The following SULF2 variants were observed in gnomAD, a reference collection of about 807,000 sequenced individuals.
SULF2 encodes the protein sulfatase 2.
A neutral mutation model predicts 107.7 loss-of-function variants in SULF2; 52 were observed. The ratio of observed to expected loss-of-function variants is 0.48; its 90% CI spans 0.39 to 0.61. SULF2 has a LOEUF of 0.61. Ranked by LOEUF, SULF2 falls within the 20% of genes least tolerant of loss-of-function variation. SULF2 has a pLI of 0.00. For missense variants in SULF2, 993 were observed against 1,177.3 expected (o/e 0.84, Z 2.29); for synonymous variants, 460 against 464.3 (o/e 0.99, Z 0.12).
chr20:47,697,210 C>A (rs975445205), intron 4 of SULF2, among the ~76,000 whole-genome samples: 1 of 152,230 alleles, frequency 6.6e-6, no homozygotes, highest in Non-Finnish European at 1.5e-5. Flanking sequence ...CCCTCTCCAA[C>A]CCTCTTCTGC....
chr20:47,762,182 A>G (rs2090432298), intron 1 of SULF2, among the ~76,000 whole-genome samples: 1 of 152,356 alleles, frequency 6.6e-6, no homozygotes, highest in East Asian at 1.9e-4. Context: ...ATGTCCCTCC[A>G]TCGGGAAACA....
At chr20:47,692,346 A>G (rs564786568) in intron 4 of SULF2, among the ~76,000 whole-genome samples, 2 of 152,326 alleles carry the variant, frequency 1.3e-5, no homozygotes, top group Admixed American at 1.3e-4. Context: ...AATATTGTTT[A>G]TAAAACAAAA....
chr20:47,675,700 T>C (rs2087617262), intron 10 of SULF2, among the ~76,000 whole-genome samples: 1 of 152,028 alleles, frequency 6.6e-6, no homozygotes, highest in African/African-American at 2.4e-5. Flanking sequence ...CCGGCACCCC[T>C]TGGGCCAGCC....
chr20:47,704,026 G>T (rs1385761553), intron 3 of SULF2, among the ~76,000 whole-genome samples: 1 of 152,194 alleles, frequency 6.6e-6, no homozygotes, highest in Non-Finnish European at 1.5e-5. Context: ...GTGGCTGGGA[G>T]CAGCAAGGGG....
At chr20:47,763,403 TCCAGA>T (rs2090457843) in intron 1 of SULF2, among the ~76,000 whole-genome samples, 1 of 152,192 alleles carries the variant, frequency 6.6e-6, no homozygotes, top group Admixed American at 6.5e-5. Flanking sequence ...TGGGACCTCA[TCCAGA>T]CCTGTTTAGA....
At chr20:47,751,532 A>C (rs1438666569) in intron 2 of SULF2, among the ~76,000 whole-genome samples, 2 of 152,144 alleles carry the variant, frequency 1.3e-5, no homozygotes, top group Admixed American at 1.3e-4. Flanking sequence ...TATGGTGTTC[A>C]TGTGGGTCTA....
rs1458324121 is a variant in SULF2, at chr20:47,663,224, G to A, written c.2228-12C>T. 6.2e-6 allele frequency: 10 copies of A among 1,613,942 alleles called. No individual in the cohort carries two copies. Among genetic ancestry groups the A allele is most frequent in the Non-Finnish European group, 8.5e-6 (10 of 1,179,972 alleles). On this transcript the variant is annotated splice_polypyrimidine_tract_variant and intron_variant, in intron 16 of 20. Transcript: ENST00000688720. ...ACAGAAAGGCCCCACTGCCAAGGAA[G>A]AGAGAGCATGTCCTGAGTGCCTGCG...
At chr20:47,683,673 C>T (rs1244432557) in intron 6 of SULF2, among the ~76,000 whole-genome samples, 3 of 152,242 alleles carry the variant, frequency 2.0e-5, no homozygotes, top group Admixed American at 6.5e-5. Flanking sequence ...TCCAGCCACA[C>T]GAACCTACTG....
At chr20:47,706,830 A>C (rs2088756775) in intron 3 of SULF2, 1 of 152,172 alleles carries the variant, frequency 6.6e-6, no homozygotes, top group Non-Finnish European at 1.5e-5. Flanking sequence ...CCCAGCCTTC[A>C]CCAGATTCAT....
chr20:47,729,023 AT>A (rs1431477387), intron 3 of SULF2, among the ~76,000 whole-genome samples: 5 of 152,218 alleles, frequency 3.3e-5, no homozygotes, highest in African/African-American at 4.8e-5. Flanking sequence ...TTCAGTGGTG[AT>A]GGGGGCACTG....
chr20:47,693,023 C>T (rs932696938), intron 4 of SULF2, among the ~76,000 whole-genome samples: 10 of 152,030 alleles, frequency 6.6e-5, no homozygotes, highest in South Asian at 6.2e-4. Context: ...AGGAGAGAAG[C>T]GGAGAAAGTT....
At chr20:47,752,489 G>A (rs937029117) in intron 2 of SULF2, among the ~76,000 whole-genome samples, 3 of 151,956 alleles carry the variant, frequency 2.0e-5, no homozygotes, top group Non-Finnish European at 2.9e-5. Context: ...CAGCACTTTG[G>A]GAGGCCAATG....
intron 10 of SULF2, 131 bp downstream of exon 10, chr20:47,676,363 C>A: frequency 1.0e-6 from 1 of 994,502 alleles, no homozygotes; most frequent in Non-Finnish European, 1.4e-6. Flanking sequence ...ATCTTGGGCA[C>A]CACACGGCAG....
At chr20:47,767,518 C>T (rs767673575) in intron 1 of SULF2, among the ~76,000 whole-genome samples, 6 of 152,188 alleles carry the variant, frequency 3.9e-5, no homozygotes, top group Non-Finnish European at 7.3e-5. Context: ...CAGTGGCTCA[C>T]GCCTGTTATC....
chr20:47,710,020 G>C (rs2088876340), intron 3 of SULF2, among the ~76,000 whole-genome samples: 1 of 151,666 alleles, frequency 6.6e-6, no homozygotes, highest in Non-Finnish European at 1.5e-5. Context: ...TCCCGCCTCA[G>C]CCTCTCGAGT....
chr20:47,753,879 T>C (rs1420889369), intron 2 of SULF2, among the ~76,000 whole-genome samples: 1 of 152,204 alleles, frequency 6.6e-6, no homozygotes, highest in Non-Finnish European at 1.5e-5. Flanking sequence ...AACGAGACCT[T>C]TACCTCCATG....
chr20:47,685,048 C>G (rs551428928), intron 5 of SULF2: 7 of 153,164 alleles, frequency 4.6e-5, no homozygotes, highest in African/African-American at 1.4e-4. Flanking sequence ...ATGGCAGTTA[C>G]CTTTGGTGAA....
At chr20:47,724,618 G>A (rs934809870) in intron 3 of SULF2, among the ~76,000 whole-genome samples, 1 of 152,210 alleles carries the variant, frequency 6.6e-6, no homozygotes, top group Admixed American at 6.5e-5. Flanking sequence ...CATCTCTAGT[G>A]ACAGGTTTTA....
chr20:47,735,456 G>C (rs1289376354), intron 3 of SULF2, among the ~76,000 whole-genome samples: 1 of 152,198 alleles, frequency 6.6e-6, no homozygotes, highest in Non-Finnish European at 1.5e-5. Context: ...CTAGAGCCAA[G>C]TTGCAGGTGC....
Sources: gnomAD v4.1 joint callset for allele counts (sites outside exome capture counted in the v4.1 genomes callset) on GRCh38, gnomAD v4.1.1 for gene constraint, MANE v1.5 for transcripts, NCBI Gene and HGNC (gene_info 2026-07-23, HGNC 2026-07-21) for gene names.